SLC6A2: variants seen among roughly 807,000 people sequenced by gnomAD.
The protein encoded by SLC6A2 is solute carrier family 6 member 2.
SLC6A2 carries 26 observed loss-of-function variants against 71.7 expected under a neutral mutation model. That is an observed-to-expected ratio of 0.36 (90% confidence interval 0.27 to 0.50). The LOEUF (loss-of-function observed/expected upper bound fraction) is 0.50. Ranked by LOEUF, SLC6A2 falls within the 20% of genes least tolerant of loss-of-function variation. SLC6A2 has a pLI of 0.96. For missense variants in SLC6A2, 581 were observed against 803.9 expected, an observed-to-expected ratio of 0.72 and a Z score of 3.35; for synonymous variants, 363 against 337.9, an observed-to-expected ratio of 1.07 and a Z score of -0.82.
rs111806735 is a variant in SLC6A2, at chr16:55,665,425, G to A, written c.275-4140G>A. 2.2e-3 allele frequency among the ~76,000 whole-genome samples: 340 copies of A among 152,204 alleles called. 1 individual carries two copies. The highest frequency in any genetic ancestry group is 3.9e-3 in the Non-Finnish European group (266 of 68,008). ...AGTGTGGACCAAGGTTTTCTTGGGGGCTCTGGTGCATGACACCAGCAGCGA... is the reference window on the plus strand; with the variant it reads ...AGTGTGGACCAAGGTTTTCTTGGGGACTCTGGTGCATGACACCAGCAGCGA... On this transcript the variant is annotated intron_variant, in intron 2 of 14. Coordinates refer to ENST00000568943, the MANE Select transcript of SLC6A2 (RefSeq NM_001172501.3).
chr16:55,702,699 A>T lies in SLC6A2; in HGVS notation c.*353A>T. On this transcript the variant is annotated 3_prime_UTR_variant, in exon 15 of 15. Coordinates refer to ENST00000568943, the MANE Select transcript of SLC6A2 (RefSeq NM_001172501.3). The stretch of plus-strand genomic sequence containing the variant: ...CTAGACTTTGGGCACAGGAGTTCTT[A>T]GTCCACCAAATCAGAGAGAGGATGG... The T allele has an allele frequency of 8.7e-7, 1 of 1,154,086 alleles. No individual in the cohort carries two copies. Among genetic ancestry groups the T allele is most frequent in the Non-Finnish European group, 1.1e-6 (1 of 934,694 alleles). 71.5% of individuals were successfully genotyped at this position (1,154,086 alleles called of 1,614,324 possible).
intron 8 of SLC6A2, 65 bp downstream of exon 8, chr16:55,695,467 T>G: frequency 3.2e-6 from 5 of 1,574,536 alleles, no homozygotes; most frequent in Non-Finnish European, 4.4e-6. Flanking sequence ...CACCTTATTC[T>G]TGGCTGCATG....
intron 6 of SLC6A2, 131 bp downstream of exon 6, chr16:55,692,183 G>A (rs1310515147): frequency 1.8e-6 from 2 of 1,082,048 alleles, no homozygotes; most frequent in Non-Finnish European, 2.8e-6. Flanking sequence ...ATCCTTCCCT[G>A]TCTGAGGTGC....
intron 5 of SLC6A2, among the ~76,000 whole-genome samples, chr16:55,685,518 G>A (rs1965424370): frequency 6.6e-6 from 1 of 152,190 alleles, no homozygotes; most frequent in Middle Eastern, 3.4e-3. Flanking sequence ...GTGGATCAGA[G>A]TTCCTCATAT....
chr16:55,697,683 C>T (rs1184856197), intron 9 of SLC6A2, among the ~76,000 whole-genome samples: 1 of 152,050 alleles, frequency 6.6e-6, no homozygotes, highest in African/African-American at 2.4e-5. Context: ...AACCCTCACC[C>T]TCTCCCACGT....
intron 4 of SLC6A2, among the ~76,000 whole-genome samples, chr16:55,678,807 A>G (rs1171940878): frequency 6.6e-6 from 1 of 152,182 alleles, no homozygotes; most frequent in Non-Finnish European, 1.5e-5. Flanking sequence ...CATTTTCATT[A>G]AACTTCTGGA....
chr16:55,657,022 C>G (rs1295129027), intron 2 of SLC6A2, 54 bp downstream of exon 2: 19 of 1,589,126 alleles, frequency 1.2e-5, no homozygotes, highest in Non-Finnish European at 1.6e-5. Flanking sequence ...CTGTCTGCAG[C>G]GGTGGCTGGG....
At chr16:55,681,747 G>A (rs1339134629) in intron 4 of SLC6A2, among the ~76,000 whole-genome samples, 1 of 152,232 alleles carries the variant, frequency 6.6e-6, no homozygotes, top group Non-Finnish European at 1.5e-5. Flanking sequence ...GATGATTCCA[G>A]CAAGGGCTGT....
At chr16:55,662,204 T>C (rs1202517458) in intron 2 of SLC6A2, among the ~76,000 whole-genome samples, 1 of 152,198 alleles carries the variant, frequency 6.6e-6, no homozygotes, top group Non-Finnish European at 1.5e-5. Flanking sequence ...AGATTGGGAT[T>C]TAATAGGGAT....
chr16:55,703,368 T>A lies in SLC6A2; in HGVS notation c.*1022T>A, dbSNP rs752871758. The A allele has an allele frequency of 8.4e-5, 83 of 985,336 alleles. No homozygotes were observed. Among genetic ancestry groups the A allele is most frequent in the Non-Finnish European group, 1.0e-4 (83 of 829,948 alleles). The allele number at this position is 985,336 out of a possible 1,614,324, so 61.0% of individuals were successfully genotyped here. A position where few individuals can be genotyped will look rare whatever the true frequency, so the allele number is the denominator to read the frequency against. On this transcript the variant is annotated 3_prime_UTR_variant, in exon 15 of 15. Coordinates refer to ENST00000568943, the MANE Select transcript of SLC6A2 (RefSeq NM_001172501.3). ...CACCTGCACAGCCTCCCTCTGGGGA[T>A]CCCACCTGGAGTGGACCAGGGGTCT...
chr16:55,698,794 T>C (rs1381728196), intron 11 of SLC6A2, among the ~76,000 whole-genome samples: 2 of 152,138 alleles, frequency 1.3e-5, no homozygotes, highest in Non-Finnish European at 2.9e-5. Context: ...GAGGAACCCT[T>C]AGGAAAATGC....
At chr16:55,682,315 G>C (rs1965299070) in intron 4 of SLC6A2, among the ~76,000 whole-genome samples, 1 of 152,154 alleles carries the variant, frequency 6.6e-6, no homozygotes, top group Admixed American at 6.5e-5. Context: ...GGTGCCCTGG[G>C]CAGTATGAAA....
chr16:55,677,712 C>T (rs536681829), intron 4 of SLC6A2, among the ~76,000 whole-genome samples: 4 of 152,172 alleles, frequency 2.6e-5, no homozygotes, highest in African/African-American at 7.2e-5. Flanking sequence ...TGCTCTGTCA[C>T]CCAGTGGCAC....
chr16:55,695,207 G>A (rs779929163), intron 7 of SLC6A2, 71 bp from the exon 8 acceptor site: 94 of 1,592,286 alleles, frequency 5.9e-5, no homozygotes, highest in Non-Finnish European at 8.1e-5. Context: ...AGGTTCTATA[G>A]CCAGTCCAGC....
chr16:55,674,702 G>A (rs1965029637), intron 4 of SLC6A2, among the ~76,000 whole-genome samples: 1 of 152,202 alleles, frequency 6.6e-6, no homozygotes, highest in East Asian at 1.9e-4. Context: ...TGGGATTACA[G>A]GCATGAGCCA....
In SLC6A2 at chr16:55,672,194, G is replaced by T. The variant is rs1261382648; in HGVS notation, c.644+19G>T. On this transcript the variant is annotated intron_variant, in intron 4 of 14. Transcript: ENST00000568943. ...TTTATGAGTAAGTCACAGACCCCTTGTGCTGGGCCTGTTGAGGCCAGTGCT... is the reference window on the plus strand; with the variant it reads ...TTTATGAGTAAGTCACAGACCCCTTTTGCTGGGCCTGTTGAGGCCAGTGCT... 6.2e-7 allele frequency: 1 copy of T among 1,614,044 alleles called. No homozygotes were observed. Among genetic ancestry groups the T allele is most frequent in the East Asian group, 2.2e-5 (1 of 44,878 alleles).
At position 55,705,518 on chromosome 16, in the gene SLC6A2, T is replaced by C. The variant is rs1966082669; in HGVS notation, c.*3172T>C. On this transcript the variant is annotated 3_prime_UTR_variant, in exon 15 of 15. Coordinates refer to ENST00000568943, the MANE Select transcript of SLC6A2 (RefSeq NM_001172501.3). ...GGCGGAAAAAGCACAGCATATAGTT[T>C]TACAGACTTGGGTCTGCAGCTGACT... 2.4e-6 allele frequency: 1 copy of C among 424,018 alleles called. No individual in the cohort carries two copies. Among genetic ancestry groups the C allele is most frequent in the African/African-American group, 2.0e-5 (1 of 50,164 alleles). 26.3% of individuals were successfully genotyped at this position (424,018 alleles called of 1,614,324 possible).
intron 4 of SLC6A2, among the ~76,000 whole-genome samples, chr16:55,680,585 C>T (rs1965238540): frequency 6.6e-6 from 1 of 152,146 alleles, no homozygotes; most frequent in Non-Finnish European, 1.5e-5. Context: ...AGATGGTGCC[C>T]ACCCAGACTG....
chr16:55,668,685 T>C (rs1248949647), intron 2 of SLC6A2, among the ~76,000 whole-genome samples: 1 of 152,142 alleles, frequency 6.6e-6, no homozygotes, highest in East Asian at 1.9e-4. Flanking sequence ...GTACTGAGAA[T>C]TGTCTCTGCA....
Sources: allele counts gnomAD v4.1 joint callset (sites outside exome capture counted in the v4.1 genomes callset), GRCh38; gene constraint gnomAD v4.1.1; transcripts MANE v1.5; gene names NCBI Gene and HGNC (gene_info 2026-07-23, HGNC 2026-07-21).